The following WNT7B variants were observed in gnomAD, a reference collection of about 807,000 sequenced individuals.
WNT7B encodes protein Wnt-7b.
A neutral mutation model predicts 38.2 loss-of-function variants in WNT7B; 19 were observed. The ratio of observed to expected loss-of-function variants is 0.50; its 90% CI spans 0.35 to 0.73. The LOEUF is 0.73. Among genes scored for constraint, WNT7B ranks in the 30% least tolerant of loss-of-function variants. The probability of loss-of-function intolerance (pLI) is 0.01; values close to 1 mark genes in which losing one functional copy is unlikely to be tolerated. For synonymous variants in WNT7B, 243 were observed against 209.3 expected (o/e 1.16, Z -1.39); for missense variants, 423 against 507.9 (o/e 0.83, Z 1.61).
At position 45,931,442 on chromosome 22, in the gene WNT7B, G is replaced by A. The variant is rs777472114; in HGVS notation, c.299-73C>T. On this transcript the variant is annotated intron_variant, in intron 2 of 3. Transcript: ENST00000339464. ...AGGTGGGCTCAGGGGACAGGGTGCC[G>A]GGCCTCGATCCACCTGCTGTTGGCT... 50 of 1,460,680 alleles carry A rather than the reference G, an allele frequency of 3.4e-5. No homozygotes were observed. In the Middle Eastern group the frequency reaches 7.5e-4, roughly 22 times the overall value. 90.5% of individuals were successfully genotyped at this position (1,460,680 alleles called of 1,614,324 possible). A position where few individuals can be genotyped will look rare whatever the true frequency, so the allele number is the denominator to read the frequency against.
intron 3 of WNT7B, among the ~76,000 whole-genome samples, chr22:45,927,980 G>C (rs191110792): frequency 2.5e-4 from 38 of 152,344 alleles, no homozygotes; most frequent in Middle Eastern, 3.4e-3. Context: ...TGTGGCCACA[G>C]CGGAGGAACA....
intron 1 of WNT7B, among the ~76,000 whole-genome samples, chr22:45,967,295 C>A (rs558437960): frequency 6.6e-6 from 1 of 152,272 alleles, no homozygotes; most frequent in South Asian, 2.1e-4. Flanking sequence ...CCTCCTGTCC[C>A]TTTGGGAGGG....
intron 1 of WNT7B, among the ~76,000 whole-genome samples, chr22:45,964,040 C>T (rs965333439): frequency 1.3e-5 from 2 of 152,120 alleles, no homozygotes; most frequent in African/African-American, 4.8e-5. Context: ...GTGCAATCTG[C>T]AGCCCTCAGC....
In WNT7B at chr22:45,931,091, A is replaced by C. The variant is rs150637057; in HGVS notation, c.570+7T>G. 30,116 of 1,567,328 alleles carry C rather than the reference A, an allele frequency of 0.019. 334 individuals are homozygous for C. The highest frequency in any genetic ancestry group is 0.023 in the Non-Finnish European group (26,452 of 1,156,732). On this transcript the variant is annotated splice_region_variant and intron_variant, in intron 3 of 3. Coordinates refer to ENST00000339464, the MANE Select transcript of WNT7B (RefSeq NM_058238.3). The stretch of plus-strand genomic sequence containing the variant: ...TACGGCCCCCACCAGCCGCACCCGC[A>C]CCCTACCTTCCTGCCGGCCTCATTG...
chr22:45,941,572 G>A (rs1175998167), intron 2 of WNT7B, among the ~76,000 whole-genome samples: 1 of 152,080 alleles, frequency 6.6e-6, no homozygotes, highest in Non-Finnish European at 1.5e-5. Context: ...TGCAGTGAGG[G>A]CAGCTGGTGG....
At position 45,975,574 on chromosome 22, in the gene WNT7B, G is replaced by T; in HGVS notation, c.71+1110C>A. 1 of 716,990 alleles carries T rather than the reference G, an allele frequency of 1.4e-6. No homozygotes were observed. The highest frequency in any genetic ancestry group is 1.5e-5 in the South Asian group (1 of 67,564). 44.4% of individuals were successfully genotyped at this position (716,990 alleles called of 1,614,324 possible). A position where few individuals can be genotyped will look rare whatever the true frequency, so the allele number is the denominator to read the frequency against. On this transcript the variant is annotated intron_variant, in intron 1 of 3. Transcript: ENST00000339464. The surrounding 1 kb of genome is among the most constrained non-coding windows in gnomAD (Gnocchi z 6.6). ...AAAATGGCGGGGCAGACATGGGATG[G>T]AGGGTGATGGAGAGACGATTCCCAG...
intron 2 of WNT7B, 148 bp from the exon 3 acceptor site, chr22:45,931,517 A>C: frequency 1.0e-6 from 1 of 1,000,326 alleles, no homozygotes; most frequent in East Asian, 2.7e-5. Context: ...CCTCTGACTC[A>C]CCAAAGCGGG....
chr22:45,967,179 GT>G (rs769865001), intron 1 of WNT7B, among the ~76,000 whole-genome samples: 11 of 152,216 alleles, frequency 7.2e-5, no homozygotes, highest in Non-Finnish European at 1.3e-4. Context: ...AGGACAAACG[GT>G]GGTTTTGTCC....
chr22:45,929,169 T>TCTC (rs956981812), intron 3 of WNT7B, among the ~76,000 whole-genome samples: 11 of 152,040 alleles, frequency 7.2e-5, no homozygotes, highest in African/African-American at 1.9e-4. Context: ...TTCTCCTCTT[T>TCTC]CTCCTCCTCC....
Position 45,966,224 on chromosome 22 carries a change from G to C in WNT7B, c.71+10460C>G, listed in dbSNP as rs1932307898. On this transcript the variant is annotated intron_variant, in intron 1 of 3. Transcript: ENST00000339464. The surrounding 1 kb of genome is among the most constrained non-coding windows in gnomAD (Gnocchi z 4.2). ...CTCATCCTGTGTCCCCCAGGCGGGG[G>C]TCTGCAGGGCAGGCAGTGCATTCTG... Among the ~76,000 whole-genome samples the C allele has an allele frequency of 1.3e-5, 2 of 152,232 alleles. No homozygotes were observed. The highest frequency in any genetic ancestry group is 4.1e-4 in the South Asian group (2 of 4,834).
intron 1 of WNT7B, among the ~76,000 whole-genome samples, chr22:45,973,385 C>T (rs745995120): frequency 2.6e-5 from 4 of 152,200 alleles, no homozygotes; most frequent in Non-Finnish European, 4.4e-5. Flanking sequence ...GAAGGCTGGG[C>T]GGTCTGGCCC....
chr22:45,944,983 A>G (rs1362184393), intron 2 of WNT7B, among the ~76,000 whole-genome samples: 1 of 150,504 alleles, frequency 6.6e-6, no homozygotes, highest in African/African-American at 2.4e-5. Flanking sequence ...CCTGTCCCCT[A>G]TGGGTGCAGC....
intron 1 of WNT7B, among the ~76,000 whole-genome samples, chr22:45,959,417 A>G (rs1178486375): frequency 6.6e-6 from 1 of 152,118 alleles, no homozygotes; most frequent in Non-Finnish European, 1.5e-5. Context: ...ATGAGGGTGA[A>G]ACCACCCAAA....
At chr22:45,959,006 C>T (rs1932134699) in intron 1 of WNT7B, among the ~76,000 whole-genome samples, 1 of 152,226 alleles carries the variant, frequency 6.6e-6, no homozygotes. Flanking sequence ...GCCCCCATAG[C>T]TGGGTCCAGG....
At chr22:45,925,218 G>A (rs932283193) in intron 3 of WNT7B, 117 of 951,534 alleles carry the variant, frequency 1.2e-4, no homozygotes, top group East Asian at 5.5e-4. Context: ...CCGGGTGGGC[G>A]CAAAGTCTCA....
intron 2 of WNT7B, among the ~76,000 whole-genome samples, chr22:45,947,850 G>A (rs10283931): frequency 6.6e-6 from 1 of 152,172 alleles, no homozygotes. Context: ...CTCCCTAGCA[G>A]AAGAGACTGA....
chr22:45,972,100 T>A, intron 1 of WNT7B: 1 of 590,614 alleles, frequency 1.7e-6, no homozygotes. Context: ...GTTCCAGCGC[T>A]GGAGGCCCGG....
rs1050305553 is a variant in WNT7B at position 45,955,724 on chromosome 22, T to C, written c.72-5578A>G. Among the ~76,000 whole-genome samples the C allele has an allele frequency of 1.4e-4, 22 of 152,294 alleles. No homozygotes were observed. The South Asian group carries it at 2.3e-3, about 16-fold the overall frequency. On this transcript the variant is annotated intron_variant, in intron 1 of 3. Coordinates refer to ENST00000339464, the MANE Select transcript of WNT7B (RefSeq NM_058238.3). ...AGGTGGGATGGGCAGGTTGCAAGTC[T>C]GGAAAGTTTCCTTACCCCAGCCTGG...
chr22:45,924,226 C>A (rs1931010779), intron 3 of WNT7B, among the ~76,000 whole-genome samples: 1 of 152,246 alleles, frequency 6.6e-6, no homozygotes, highest in Non-Finnish European at 1.5e-5. Flanking sequence ...GGCTTGGCCA[C>A]CCTCTGTCCC....
Sources: allele counts gnomAD v4.1 joint callset (sites outside exome capture counted in the v4.1 genomes callset), GRCh38; gene constraint gnomAD v4.1.1; non-coding constraint Gnocchi (gnomAD v3.1); transcripts MANE v1.5; gene names NCBI Gene and HGNC (gene_info 2026-07-23, HGNC 2026-07-21).